The following TECPR1 variants were observed in gnomAD, a reference collection of about 807,000 sequenced individuals.
TECPR1 encodes tectonin beta-propeller repeat containing 1.
Under a neutral mutation model 162.4 loss-of-function variants are expected in TECPR1, and 122 were observed. That is an observed-to-expected ratio of 0.75 (90% CI 0.65 to 0.87). The LOEUF is 0.87. Among genes scored for constraint, TECPR1 ranks in the 40% least tolerant of loss-of-function variants. TECPR1 has a pLI of 0.00. For missense variants in TECPR1, 1,432 were observed against 1,618.2 expected (o/e 0.88, Z 1.97); for synonymous variants, 642 against 670.6 (o/e 0.96, Z 0.66).
intron 10 of TECPR1, among the ~76,000 whole-genome samples, chr7:98,234,822 C>T (rs1456796408): frequency 6.6e-6 from 1 of 151,220 alleles, no homozygotes; most frequent in Non-Finnish European, 1.5e-5. Flanking sequence ...GTGATCCTCC[C>T]ACCTCTGCCT....
At chr7:98,226,764 T>G in intron 17 of TECPR1, 1 of 752,106 alleles carries the variant, frequency 1.3e-6, no homozygotes, top group Non-Finnish European at 2.0e-6. Flanking sequence ...TGAAATCCTG[T>G]CTCTACTAAA....
At position 98,241,967 on chromosome 7, in the gene TECPR1, T is replaced by G. The variant is rs1437754434; in HGVS notation, c.658-723A>C. ...AGGCAGCACCAGCTCACGGCCGACA[T>G]TCCAGGACACAAACGCTGCTCTGCA... On this transcript the variant is annotated intron_variant, in intron 6 of 25. Transcript: ENST00000447648. This position sits in a 1 kb window ranked among gnomAD's most constrained non-coding sequence, Gnocchi z 5.0. 2.0e-5 allele frequency among the ~76,000 whole-genome samples: 3 copies of G among 152,182 alleles called. No individual in the cohort carries two copies. The highest frequency in any genetic ancestry group is 4.4e-5 in the Non-Finnish European group (3 of 68,018).
intron 8 of TECPR1, 54 bp from the exon 9 acceptor site, chr7:98,238,664 T>C: frequency 7.0e-7 from 1 of 1,433,770 alleles, no homozygotes; most frequent in Non-Finnish European, 9.6e-7. Flanking sequence ...AAACAGACGG[T>C]TCGTTCGTTT....
chr7:98,246,212 G>T (rs1235091263), intron 2 of TECPR1, 47 bp from the exon 3 acceptor site: 10 of 1,248,442 alleles, frequency 8.0e-6, no homozygotes, highest in East Asian at 5.1e-5. Context: ...CAGCCCAGGG[G>T]ACATCAGAGT....
chr7:98,216,268 G>A lies in TECPR1; in HGVS notation c.*1122C>T, dbSNP rs530032343. ...TGCTCCATGTACAGGACGGGCTGAG[G>A]GTCCCATGGCCACTGCCGACAGACA... is the stretch of plus-strand genomic sequence containing the variant. On this transcript the variant is annotated 3_prime_UTR_variant, in exon 26 of 26. Coordinates refer to ENST00000447648, the MANE Select transcript of TECPR1 (RefSeq NM_015395.3). The A allele has an allele frequency of 6.6e-6, 1 of 152,480 alleles. No homozygotes were observed. Among genetic ancestry groups the A allele is most frequent in the Admixed American group, 6.5e-5 (1 of 15,308 alleles). 9.4% of individuals were successfully genotyped at this position (152,480 alleles called of 1,614,324 possible). A position where few individuals can be genotyped will look rare whatever the true frequency, so the allele number is the denominator to read the frequency against.
chr7:98,238,625 A>T lies in TECPR1; in HGVS notation c.934-15T>A, dbSNP rs1798661352. ...CGGAACCACACCTGGGGGAGTCAGA[A>T]ATAAACATGCCTTCCTGGAGGGCCA... is the stretch of plus-strand genomic sequence containing the variant. On this transcript the variant is annotated splice_polypyrimidine_tract_variant and intron_variant, in intron 8 of 25. Coordinates refer to ENST00000447648, the MANE Select transcript of TECPR1 (RefSeq NM_015395.3). 2 of 1,554,294 alleles carry T rather than the reference A, an allele frequency of 1.3e-6. No individual in the cohort carries two copies. The highest frequency in any genetic ancestry group is 4.8e-5 in the East Asian group (2 of 41,476).
At chr7:98,221,774 C>T (rs1198969462) in intron 22 of TECPR1, 21 bp from the exon 23 acceptor site, 6 of 1,603,990 alleles carry the variant, frequency 3.7e-6, no homozygotes, top group Non-Finnish European at 5.1e-6. Context: ...GAGGCTGACT[C>T]AGGCACGCTG....
chr7:98,233,366 C>A, intron 11 of TECPR1, 55 bp downstream of exon 11: 1 of 1,407,798 alleles, frequency 7.1e-7, no homozygotes, highest in South Asian at 1.7e-5. Flanking sequence ...CCACACCCCA[C>A]ACCCCCAGGG....
intron 1 of TECPR1, chr7:98,251,772 A>G (rs1001836178): frequency 6.6e-6 from 1 of 152,180 alleles, no homozygotes; most frequent in African/African-American, 2.4e-5. Flanking sequence ...CGACAAGCAG[A>G]TTTGCTCCCA....
rs1797996050 is a variant in TECPR1 at position 98,215,939 on chromosome 7, C to G, written c.*1451G>C. 6.6e-6 allele frequency: 1 copy of G among 152,280 alleles called. No individual in the cohort carries two copies. Among genetic ancestry groups the G allele is most frequent in the Non-Finnish European group, 1.5e-5 (1 of 68,084 alleles). The allele number at this position is 152,280 out of a possible 1,614,324, so 9.4% of individuals were successfully genotyped here. A position where few individuals can be genotyped will look rare whatever the true frequency, so the allele number is the denominator to read the frequency against. ...CAGCTTTTGGGTGACAAACCCCATA[C>G]AGCAAAACTGTACAAATACACACAA... On this transcript the variant is annotated 3_prime_UTR_variant, in exon 26 of 26. Transcript: ENST00000447648.
rs778412705 is a variant in TECPR1, at chr7:98,240,975, C to A, written c.833-24G>T. ...TCCTACCGGGCCCCCAAGAAACCCC[C>A]AGTGGCCCCCATCAGCCTGGACAGC... On this transcript the variant is annotated intron_variant, in intron 7 of 25. Transcript: ENST00000447648. The A allele has an allele frequency of 3.1e-6, 5 of 1,592,686 alleles. No homozygotes were observed. The African/African-American group carries it at 6.7e-5, about 21-fold the overall frequency.
intron 22 of TECPR1, 44 bp from the exon 23 acceptor site, chr7:98,221,797 T>C (rs4729416): frequency 1 from 1,555,490 of 1,555,660 alleles, 777,660 homozygotes; most frequent in Middle Eastern, 1. Flanking sequence ...TTCTCCTCCT[T>C]GCATGGGCCA....
chr7:98,224,796 CT>C lies in TECPR1; in HGVS notation c.2690+4del. On this transcript the variant is annotated splice_donor_region_variant and intron_variant, in intron 19 of 25. Coordinates refer to ENST00000447648, the MANE Select transcript of TECPR1 (RefSeq NM_015395.3). Reference sequence around the variant, plus strand: ...CCCGAAGGCCCTGTGCAGGGAGAGGCTTACGCAGGGAAGTCGCTGGCATACT... The same window carrying C: ...CCCGAAGGCCCTGTGCAGGGAGAGGCTACGCAGGGAAGTCGCTGGCATACT... 6.3e-7 allele frequency: 1 copy of C among 1,578,248 alleles called. No individual in the cohort carries two copies. Among genetic ancestry groups the C allele is most frequent in the South Asian group, 1.2e-5 (1 of 86,008 alleles).
At position 98,217,981 on chromosome 7, in the gene TECPR1, G is replaced by A. The variant is rs373155446; in HGVS notation, c.3219C>T (p.His1073=). Residue 1073 remains histidine (H), a synonymous_variant, in exon 24 of 26, where the codon CAC becomes CAT. Transcript: ENST00000447648. ...ACACTCGGCACACGTTGTTGGACAC[G>A]TGCTCCCAGCTGGAGCCCTGCGGGT... The part of the protein sequence containing the change: ...PSYPQGSSWE[H]VSNNVCRVSV... 2.1e-5 allele frequency: 33 copies of A among 1,565,612 alleles called. No homozygotes were observed. Among genetic ancestry groups the A allele is most frequent in the Middle Eastern group, 1.7e-4 (1 of 6,030 alleles).
Position 98,218,022 on chromosome 7 carries a change from C to T in TECPR1, c.3178G>A (p.Gly1060Arg), listed in dbSNP as rs1256036420. The change falls in exon 24 of 26, where the codon GGG (glycine) becomes AGG (arginine). Residue 1060 changes from glycine (G) to arginine (R), a missense_variant. Transcript: ENST00000447648. ...DENGNLWYRQ[G>R]ITPSYPQGSS... ...CCCTGCGGGTAGCTGGGCGTGATCCCTTGGCGATACCACAGGTTTCCTGGG... is the reference window on the plus strand; with the variant it reads ...CCCTGCGGGTAGCTGGGCGTGATCCTTTGGCGATACCACAGGTTTCCTGGG... The T allele has an allele frequency of 6.4e-7, 1 of 1,566,242 alleles. No homozygotes were observed. Among genetic ancestry groups the T allele is most frequent in the Non-Finnish European group, 8.7e-7 (1 of 1,156,050 alleles).
intron 15 of TECPR1, 147 bp from the exon 16 acceptor site, chr7:98,229,313 C>G: frequency 9.3e-7 from 1 of 1,077,568 alleles, no homozygotes; most frequent in Non-Finnish European, 1.3e-6. Context: ...CCTGCCTGAC[C>G]TCCGCGTTCA....
rs771587261 is a variant in TECPR1, at chr7:98,217,511, G to T, written c.3385-8C>A. The T allele has an allele frequency of 5.7e-6, 9 of 1,592,690 alleles. No homozygotes were observed. The East Asian group carries it at 1.8e-4, about 32-fold the overall frequency. On this transcript the variant is annotated splice_polypyrimidine_tract_variant and splice_region_variant and intron_variant, in intron 25 of 25. Transcript: ENST00000447648. ...GATATGGTCCCAGCCTCCCTGGAAGGAGAGAGCTGTGTCACCAGGGGACTC... is the reference window on the plus strand; with the variant it reads ...GATATGGTCCCAGCCTCCCTGGAAGTAGAGAGCTGTGTCACCAGGGGACTC...
Position 98,233,450 on chromosome 7 carries a change from G to A in TECPR1, c.1643C>T (p.Ala548Val). 6.8e-7 allele frequency: 1 copy of A among 1,471,210 alleles called. No homozygotes were observed. Among genetic ancestry groups the A allele is most frequent in the Admixed American group, 2.7e-5 (1 of 36,956 alleles). The allele number at this position is 1,471,210 out of a possible 1,614,324, so 91.1% of individuals were successfully genotyped here. The change falls in exon 11 of 26, where the codon GCC becomes GTC. Residue 548 changes from alanine to valine, a missense_variant. Ala to Val is a moderately conservative substitution (Grantham distance 64). Coordinates refer to ENST00000447648, the MANE Select transcript of TECPR1 (RefSeq NM_015395.3). ...CTGGACAGTGAACCATCTGGGCATGGCACATGCCTCCACCACGCAGCCGCC... is the reference window on the plus strand; with the variant it reads ...CTGGACAGTGAACCATCTGGGCATGACACATGCCTCCACCACGCAGCCGCC... The part of the protein sequence containing the change: ...SGGGCVVEAC[A>V]MPRWFTVQAG...
chr7:98,234,841 G>A (rs1286020041), intron 10 of TECPR1, among the ~76,000 whole-genome samples: 1 of 150,674 alleles, frequency 6.6e-6, no homozygotes, highest in Non-Finnish European at 1.5e-5. Context: ...CTTGTAAGTA[G>A]CTAGGACTAC....
Sources: allele counts gnomAD v4.1 joint callset (sites outside exome capture counted in the v4.1 genomes callset), GRCh38; gene constraint gnomAD v4.1.1; non-coding constraint Gnocchi (gnomAD v3.1); transcripts MANE v1.5; gene names NCBI Gene and HGNC (gene_info 2026-07-23, HGNC 2026-07-21).